The following STK38 variants were observed in gnomAD, a reference collection of about 807,000 sequenced individuals.
STK38 encodes serine/threonine-protein kinase 38.
A neutral mutation model predicts 59.0 loss-of-function variants in STK38; 26 were observed. The observed-to-expected ratio is 0.44, with a 90% CI of 0.32 to 0.61. The LOEUF is 0.61. STK38 is among the 20% of genes least tolerant of loss of function. The pLI is 0.04. For missense variants in STK38, 433 were observed against 566.0 expected (o/e 0.76, Z 2.38); for synonymous variants, 175 against 176.6 (o/e 0.99, Z 0.07).
intron 6 of STK38, among the ~76,000 whole-genome samples, chr6:36,516,771 G>A (rs1437460185): frequency 6.6e-6 from 1 of 152,134 alleles, no homozygotes; most frequent in African/African-American, 2.4e-5. Flanking sequence ...GGAGAGCTCA[G>A]GCCAGATGCT....
chr6:36,523,503 G>A (rs759880322), intron 4 of STK38, among the ~76,000 whole-genome samples: 17 of 148,746 alleles, frequency 1.1e-4, no homozygotes, highest in Admixed American at 2.0e-4. Context: ...CTTGTGATCC[G>A]CCCGCCTTGG....
chr6:36,546,771 C>T (rs1778062503), intron 1 of STK38, among the ~76,000 whole-genome samples: 1 of 152,140 alleles, frequency 6.6e-6, no homozygotes, highest in South Asian at 2.1e-4. Context: ...CCAAGGGGGG[C>T]TTTCGACATC....
At position 36,515,377 on chromosome 6, in the gene STK38, G is replaced by T; in HGVS notation, c.630C>A (p.His210Gln). The T allele has an allele frequency of 6.2e-7, 1 of 1,614,132 alleles. No homozygotes were observed. The highest frequency in any genetic ancestry group is 8.5e-7 in the Non-Finnish European group (1 of 1,180,036). Residue 210 changes from histidine (H) to glutamine (Q), a missense_variant, in exon 7 of 14, where the codon CAC becomes CAA. Transcript: ENST00000229812. ...GAAGGTTGTCTGGTTTGATGTCTCT[G>T]TGGATGAATCCAAGTTGGTGAATAG... is the stretch of plus-strand genomic sequence containing the variant. ...IDSIHQLGFI[H>Q]RDIKPDNLLL...
chr6:36,520,628 A>G (rs1239061451), intron 5 of STK38, among the ~76,000 whole-genome samples: 1 of 152,112 alleles, frequency 6.6e-6, no homozygotes. Flanking sequence ...ACCACACACT[A>G]ATTTGTAGAT....
intron 3 of STK38, 79 bp downstream of exon 3, chr6:36,525,512 T>G (rs1777489739): frequency 1.5e-6 from 2 of 1,356,306 alleles, no homozygotes; most frequent in Admixed American, 3.6e-5. Flanking sequence ...TTCTCATGTG[T>G]ACCAAGGCTA....
chr6:36,498,581 T>C (rs61049059), intron 10 of STK38, 95 bp from the exon 11 acceptor site: 4 of 1,397,084 alleles, frequency 2.9e-6, no homozygotes, highest in African/African-American at 1.5e-5. Context: ...TCTTTTTTTT[T>C]CTTTTTTCTT....
intron 9 of STK38, among the ~76,000 whole-genome samples, chr6:36,503,488 C>A (rs1467069727): frequency 6.6e-6 from 1 of 151,776 alleles, no homozygotes; most frequent in East Asian, 1.9e-4. Context: ...CAGATATTAA[C>A]ACAAATGCCA....
chr6:36,542,575 C>T (rs1228684763), intron 1 of STK38, among the ~76,000 whole-genome samples: 1 of 152,208 alleles, frequency 6.6e-6, no homozygotes, highest in Non-Finnish European at 1.5e-5. Context: ...AATTGGGAAG[C>T]AGAGGTTGCA....
intron 2 of STK38, among the ~76,000 whole-genome samples, chr6:36,527,205 A>ATATATATATATATATATAT (rs1401899969): frequency 3.5e-5 from 4 of 112,766 alleles, no homozygotes; most frequent in Admixed American, 3.4e-4. Context: ...AAAAAAAAAA[A>ATATATATATATATATATAT]AAATATATGT....
In STK38 at chr6:36,497,819, C is replaced by T. The variant is rs1462798991; in HGVS notation, c.1133G>A (p.Ser378Asn). 1 of 1,613,580 alleles carries T rather than the reference C, an allele frequency of 6.2e-7. No individual in the cohort carries two copies. The highest frequency in any genetic ancestry group is 8.5e-7 in the Non-Finnish European group (1 of 1,179,906). ...GTCAACGCCTTCAAAAAAAGAGTTA[C>T]TTTTTATTTCCTCAACTCCAGGAGC... is the stretch of plus-strand genomic sequence containing the variant. ...IGAPGVEEIK[S>N]NSFFEGVDWE... The change falls in exon 12 of 14, where the codon AGT (serine) becomes AAT (asparagine). Residue 378 changes from serine to asparagine, a missense_variant. By Grantham distance (46) the Ser-to-Asn change is conservative (BLOSUM62 1). Transcript: ENST00000229812.
At chr6:36,543,642 G>A (rs765605098) in intron 1 of STK38, among the ~76,000 whole-genome samples, 9 of 151,700 alleles carry the variant, frequency 5.9e-5, no homozygotes, top group Non-Finnish European at 2.9e-5. Flanking sequence ...GAGTCAAAGG[G>A]CCATTTTTCT....
intron 5 of STK38, among the ~76,000 whole-genome samples, chr6:36,520,454 T>C (rs1438125226): frequency 6.6e-6 from 1 of 152,210 alleles, no homozygotes; most frequent in Non-Finnish European, 1.5e-5. Context: ...CTCTGACAGT[T>C]AATATTTAAT....
intron 2 of STK38, among the ~76,000 whole-genome samples, chr6:36,530,612 A>G (rs1179515959): frequency 6.6e-6 from 1 of 150,938 alleles, no homozygotes; most frequent in East Asian, 2.0e-4. Context: ...TGATCCACCC[A>G]CCTTGGCCTC....
At chr6:36,499,394 A>G (rs1776785050) in intron 10 of STK38, among the ~76,000 whole-genome samples, 2 of 152,122 alleles carry the variant, frequency 1.3e-5, no homozygotes, top group African/African-American at 4.8e-5. Context: ...CACCAAGGAT[A>G]TACTTAATCT....
At chr6:36,535,673 C>G (rs1421375797) in intron 2 of STK38, among the ~76,000 whole-genome samples, 1 of 151,780 alleles carries the variant, frequency 6.6e-6, no homozygotes, top group Non-Finnish European at 1.5e-5. Flanking sequence ...GTCAGGAGAT[C>G]GAGACCATCC....
chr6:36,510,327 C>G (rs557370603), intron 7 of STK38, among the ~76,000 whole-genome samples: 84 of 152,368 alleles, frequency 5.5e-4, no homozygotes, highest in African/African-American at 1.9e-3. Context: ...CAAGTGTGCG[C>G]ACACCTGACC....
intron 9 of STK38, among the ~76,000 whole-genome samples, chr6:36,504,741 G>A (rs1023619819): frequency 1.3e-5 from 2 of 151,692 alleles, no homozygotes; most frequent in Admixed American, 6.6e-5. Context: ...TTTCCTTATA[G>A]AACTATAGAA....
chr6:36,525,737 G>C, intron 2 of STK38, 95 bp from the exon 3 acceptor site: 1 of 946,590 alleles, frequency 1.1e-6, no homozygotes, highest in South Asian at 1.6e-5. Flanking sequence ...TTTTAAAAAT[G>C]ACACAAACAG....
At chr6:36,518,477 C>T (rs7754363) in intron 5 of STK38, among the ~76,000 whole-genome samples, 36,107 of 152,094 alleles carry the variant, frequency 0.24, 4,517 homozygotes, top group East Asian at 0.39. Flanking sequence ...TAAAGCAATG[C>T]TTTATTATCA....
Sources: gnomAD v4.1 joint callset for allele counts (sites outside exome capture counted in the v4.1 genomes callset) on GRCh38, gnomAD v4.1.1 for gene constraint, MANE v1.5 for transcripts, NCBI Gene and HGNC (gene_info 2026-07-23, HGNC 2026-07-21) for gene names.